Variants in CELF2 observed in about 807,000 individuals in gnomAD.
CELF2 encodes CUG triplet repeat RNA-binding protein 2.
Under a neutral mutation model 62.6 loss-of-function variants are expected in CELF2, and 8 were observed. The observed-to-expected ratio is 0.13, with a 90% CI of 0.07 to 0.23. The LOEUF is 0.23. CELF2 is among the 10% of genes least tolerant of loss of function. The pLI, the probability that CELF2 is intolerant of heterozygous loss-of-function variation, is 1.00. For synonymous variants in CELF2, 258 were observed against 250.0 expected (o/e 1.03, Z -0.30); for missense variants, 333 against 671.0 (o/e 0.50, Z 5.56).
the CELF2 span, among the ~76,000 whole-genome samples, chr10:10,789,912 AC>A: frequency 6.6e-6 from 1 of 152,208 alleles, no homozygotes; most frequent in African/African-American, 2.4e-5. Flanking sequence ...ATGAACTCAA[AC>A]ATGAACTTTT....
At chr10:10,510,758 G>A in the CELF2 span, among the ~76,000 whole-genome samples, 1,393 of 152,270 alleles carry the variant, frequency 9.1e-3, 16 homozygotes, top group African/African-American at 0.031. Flanking sequence ...GAAGAGTGCT[G>A]GGCAGTTGAT....
intron 2 of CELF2, among the ~76,000 whole-genome samples, chr10:11,206,084 C>A (rs1469108370): frequency 6.6e-6 from 1 of 152,174 alleles, no homozygotes; most frequent in East Asian, 1.9e-4. Context: ...TTCAGAGGCA[C>A]CTAGAACCCT....
chr10:11,130,277 G>A (rs938836830), intron 1 of CELF2, among the ~76,000 whole-genome samples: 1 of 152,070 alleles, frequency 6.6e-6, no homozygotes, highest in Non-Finnish European at 1.5e-5. Context: ...TCATTCAGCA[G>A]GCACTTACTT....
chr10:10,612,837 G>A, the CELF2 span, among the ~76,000 whole-genome samples: 1 of 152,150 alleles, frequency 6.6e-6, no homozygotes, highest in African/African-American at 2.4e-5. Context: ...TCATCCTGAT[G>A]AGAAGCCTAG....
intron 7 of CELF2, among the ~76,000 whole-genome samples, chr10:11,274,351 A>C (rs1341422786): frequency 1.3e-5 from 2 of 152,236 alleles, no homozygotes; most frequent in Non-Finnish European, 2.9e-5. Flanking sequence ...CTCATTCTGC[A>C]TGGCAGGAAA....
chr10:11,188,841 G>T (rs1238499947), intron 2 of CELF2, among the ~76,000 whole-genome samples: 1 of 151,920 alleles, frequency 6.6e-6, no homozygotes, highest in African/African-American at 2.4e-5. Context: ...TAAAGTCTCT[G>T]TTTCTCTATT....
intron 5 of CELF2, among the ~76,000 whole-genome samples, chr10:11,264,142 C>T (rs1163703990): frequency 2.6e-5 from 4 of 152,166 alleles, no homozygotes; most frequent in South Asian, 4.1e-4. Flanking sequence ...TAATTACAAG[C>T]ATCAGTCATG....
At position 11,237,791 on chromosome 10, in the gene CELF2, C is replaced by T. The variant is rs879865689; in HGVS notation, c.355-11362C>T. ...AGCACTGAGGCCCCAGGCAGCGTCA[C>T]GGCCAGAGACAAATGTCACAAGGAT... On this transcript the variant is annotated intron_variant, in intron 3 of 12. Transcript: ENST00000633077. This position sits in a 1 kb window ranked among gnomAD's most constrained non-coding sequence, Gnocchi z 4.0. Among the ~76,000 whole-genome samples, 2 of 152,212 alleles carry T rather than the reference C, an allele frequency of 1.3e-5. No homozygotes were observed. The highest frequency in any genetic ancestry group is 2.4e-5 in the African/African-American group (1 of 41,448).
chr10:10,857,437 A>G (rs2059782497), intron 1 of CELF2, among the ~76,000 whole-genome samples: 1 of 151,890 alleles, frequency 6.6e-6, no homozygotes, highest in African/African-American at 2.4e-5. Flanking sequence ...TCACCCCAAC[A>G]AAGCTTAAAA....
Position 11,324,460 on chromosome 10 carries a change from G to C in CELF2, c.1295-1376G>C, listed in dbSNP as rs1455130667. Among the ~76,000 whole-genome samples the C allele has an allele frequency of 1.3e-5, 2 of 152,092 alleles. No individual in the cohort carries two copies. Among genetic ancestry groups the C allele is most frequent in the Admixed American group, 1.3e-4 (2 of 15,262 alleles). On this transcript the variant is annotated intron_variant, in intron 11 of 12. Transcript: ENST00000633077. The surrounding 1 kb of genome is among the most constrained non-coding windows in gnomAD (Gnocchi z 4.7). ...ACCAGAAAACATCTGGGGACCAAAGGCCCCCCTGCAATTGTGTCCCTTTAA... is the reference window on the plus strand; with the variant it reads ...ACCAGAAAACATCTGGGGACCAAAGCCCCCCCTGCAATTGTGTCCCTTTAA...
the CELF2 span, among the ~76,000 whole-genome samples, chr10:10,612,544 T>A: frequency 6.6e-6 from 1 of 152,168 alleles, no homozygotes; most frequent in African/African-American, 2.4e-5. Flanking sequence ...GAATAATATG[T>A]GCAAAGATAT....
the CELF2 span, among the ~76,000 whole-genome samples, chr10:10,681,414 G>T: frequency 6.6e-6 from 1 of 151,908 alleles, no homozygotes; most frequent in Non-Finnish European, 1.5e-5. Context: ...TTTCTAAAAG[G>T]GCCAGGTTGT....
intron 1 of CELF2, among the ~76,000 whole-genome samples, chr10:11,149,349 C>T (rs191729744): frequency 1.5e-3 from 232 of 152,342 alleles, no homozygotes; most frequent in Non-Finnish European, 2.7e-3. Context: ...CGATAACAGG[C>T]ATGAGCCACC....
intron 1 of CELF2, among the ~76,000 whole-genome samples, chr10:10,916,488 C>A (rs1176610671): frequency 6.6e-6 from 1 of 152,234 alleles, no homozygotes; most frequent in East Asian, 1.9e-4. Flanking sequence ...TTTTCCCCAG[C>A]ATCTATCTTT....
the CELF2 span, among the ~76,000 whole-genome samples, chr10:10,614,799 G>A: frequency 1.3e-5 from 2 of 152,046 alleles, no homozygotes; most frequent in Non-Finnish European, 2.9e-5. Context: ...TTTTTTCTCT[G>A]CAATTACTGT....
At chr10:11,225,077 C>T (rs190297268) in intron 3 of CELF2, among the ~76,000 whole-genome samples, 1 of 152,224 alleles carries the variant, frequency 6.6e-6, no homozygotes, top group African/African-American at 2.4e-5. Context: ...CCTGGGAAGT[C>T]TCATTAGTAG....
chr10:10,863,741 A>G (rs1253787541), intron 1 of CELF2, among the ~76,000 whole-genome samples: 1 of 152,160 alleles, frequency 6.6e-6, no homozygotes, highest in Non-Finnish European at 1.5e-5. Context: ...CTTTCTTTAT[A>G]TGCAAACGTA....
chr10:10,770,934 T>C, the CELF2 span, among the ~76,000 whole-genome samples: 10 of 152,212 alleles, frequency 6.6e-5, no homozygotes, highest in Non-Finnish European at 1.2e-4. Flanking sequence ...TAAGCCCCTC[T>C]GGGCTTCACC....
chr10:10,748,747 C>CAAAA, the CELF2 span, among the ~76,000 whole-genome samples: 8 of 36,992 alleles, frequency 2.2e-4, no homozygotes, highest in Non-Finnish European at 3.6e-4. Flanking sequence ...GACTCTGTCT[C>CAAAA]AAAAAAAAAA....
Sources: allele counts gnomAD v4.1 joint callset (sites outside exome capture counted in the v4.1 genomes callset), GRCh38; gene constraint gnomAD v4.1.1; non-coding constraint Gnocchi (gnomAD v3.1); transcripts MANE v1.5; gene names NCBI Gene and HGNC (gene_info 2026-07-23, HGNC 2026-07-21).